The following CAST variants were observed in gnomAD, a reference collection of about 807,000 sequenced individuals.
CAST encodes MIR583 host.
A neutral mutation model predicts 119.6 loss-of-function variants in CAST; 76 were observed. That is an observed-to-expected ratio of 0.64 (90% CI 0.53 to 0.77). The LOEUF (loss-of-function observed/expected upper bound fraction) is 0.77. CAST is among the 30% of genes least tolerant of loss of function. The pLI, the probability that CAST is intolerant of heterozygous loss-of-function variation, is 0.00. For missense variants in CAST, 953 were observed against 946.5 expected, an observed-to-expected ratio of 1.01 and a Z score of -0.09; for synonymous variants, 319 against 331.6, an observed-to-expected ratio of 0.96 and a Z score of 0.41.
the CAST span, among the ~76,000 whole-genome samples, chr5:96,358,247 G>A: frequency 6.6e-6 from 1 of 152,022 alleles, no homozygotes; most frequent in Non-Finnish European, 1.5e-5. Flanking sequence ...CTGGCTGGTG[G>A]TCTATCTATT....
chr5:96,415,806 T>C, the CAST span, among the ~76,000 whole-genome samples: 8 of 26,002 alleles, frequency 3.1e-4, no homozygotes, highest in Non-Finnish European at 4.7e-4. Flanking sequence ...CATTTCCACA[T>C]TTTTTTTTCC....
rs1561408924 is a variant in CAST, at chr5:96,534,753, GAAAGAAAGAA to G, written c.60+4875_60+4884del. Reference sequence around the variant, plus strand: ...AGAGAGAGAGAGAGAAAGAAAGAAAGAAAGAAAGAAAGAAAGAAAGAAAGAAAGAAAGAAA... The same window carrying G: ...AGAGAGAGAGAGAGAAAGAAAGAAAGAGAAAGAAAGAAAGAAAGAAAGAAA... On this transcript the variant is annotated intron_variant, in intron 1 of 11. Transcript: ENST00000505143. Among the ~76,000 whole-genome samples, 207 of 44,572 alleles carry G rather than the reference GAAAGAAAGAA, an allele frequency of 4.6e-3. 3 individuals carry two copies. The highest frequency in any genetic ancestry group is 0.013 in the Middle Eastern group (1 of 76). 29.2% of individuals were successfully genotyped at this position (44,572 alleles called of 152,430 possible). A position where few individuals can be genotyped will look rare whatever the true frequency, so the allele number is the denominator to read the frequency against.
the CAST span, among the ~76,000 whole-genome samples, chr5:96,499,802 T>C: frequency 6.6e-6 from 1 of 152,222 alleles, no homozygotes; most frequent in Non-Finnish European, 1.5e-5. Flanking sequence ...CTTGGCTAAC[T>C]GGTGCAAGAG....
the CAST span, among the ~76,000 whole-genome samples, chr5:95,966,366 C>A: frequency 2.0e-5 from 3 of 152,152 alleles, no homozygotes; most frequent in African/African-American, 7.2e-5. Context: ...CCCTGGGGTT[C>A]TAGCCTCAGC....
chr5:96,665,215 G>T (rs1292952697), intron 1 of CAST, among the ~76,000 whole-genome samples: 1 of 152,104 alleles, frequency 6.6e-6, no homozygotes, highest in Admixed American at 6.5e-5. Context: ...TGTGAGCCAC[G>T]TCTGCAATTT....
At chr5:95,999,851 C>G in the CAST span, among the ~76,000 whole-genome samples, 2 of 152,144 alleles carry the variant, frequency 1.3e-5, no homozygotes, top group East Asian at 3.8e-4. Flanking sequence ...AGTGGCTGCA[C>G]CATTTTATAT....
chr5:96,539,110 C>G (rs1464894016), intron 1 of CAST, among the ~76,000 whole-genome samples: 2 of 152,166 alleles, frequency 1.3e-5, no homozygotes, highest in East Asian at 3.8e-4. Flanking sequence ...TGTATGAAGA[C>G]AATCACAGCA....
At chr5:96,411,451 G>A in the CAST span, among the ~76,000 whole-genome samples, 7 of 152,146 alleles carry the variant, frequency 4.6e-5, no homozygotes, top group African/African-American at 1.2e-4. Flanking sequence ...CGTCAAAGCC[G>A]CCCTTTCTAT....
chr5:96,192,183 G>C, the CAST span, among the ~76,000 whole-genome samples: 4 of 152,158 alleles, frequency 2.6e-5, no homozygotes, highest in African/African-American at 9.7e-5. Flanking sequence ...AACCACTAGA[G>C]ACAGCAGCAG....
chr5:96,227,310 CT>C, the CAST span, among the ~76,000 whole-genome samples: 5 of 151,992 alleles, frequency 3.3e-5, 1 homozygote, highest in South Asian at 4.2e-4. Context: ...ATCACTTGTG[CT>C]TTTTTCAATA....
intron 3 of CAST, among the ~76,000 whole-genome samples, chr5:96,710,216 C>T (rs1581067882): frequency 1.3e-5 from 2 of 152,098 alleles, no homozygotes; most frequent in African/African-American, 4.8e-5. Context: ...GCAAATTTAT[C>T]CTAATATCTT....
intron 1 of CAST, among the ~76,000 whole-genome samples, chr5:96,610,931 T>A (rs555962097): frequency 6.6e-6 from 1 of 151,602 alleles, no homozygotes; most frequent in South Asian, 2.1e-4. Context: ...GCCACACACA[T>A]ACACACACAC....
the CAST span, among the ~76,000 whole-genome samples, chr5:96,188,428 A>G: frequency 5.3e-5 from 8 of 152,130 alleles, no homozygotes; most frequent in Non-Finnish European, 1.2e-4. Context: ...GATTTAACCT[A>G]TTGAAACACT....
chr5:96,274,134 C>T, the CAST span, among the ~76,000 whole-genome samples: 2 of 149,282 alleles, frequency 1.3e-5, no homozygotes, highest in African/African-American at 5.0e-5. Context: ...CAGAGTCTTA[C>T]TCTGACGCCT....
At chr5:96,104,443 T>A in the CAST span, among the ~76,000 whole-genome samples, 1 of 152,164 alleles carries the variant, frequency 6.6e-6, no homozygotes, top group South Asian at 2.1e-4. Context: ...AGTTTCAGCT[T>A]TCTACATATG....
chr5:96,364,259 A>G, the CAST span, among the ~76,000 whole-genome samples: 4 of 152,324 alleles, frequency 2.6e-5, no homozygotes, highest in South Asian at 8.3e-4. Flanking sequence ...GGATTTTTGC[A>G]TCGATGTTCA....
At chr5:96,486,871 C>A in the CAST span, among the ~76,000 whole-genome samples, 1 of 152,114 alleles carries the variant, frequency 6.6e-6, no homozygotes, top group African/African-American at 2.4e-5. Flanking sequence ...TGACATGGAC[C>A]TCTAAGAGAT....
At chr5:96,368,275 G>A in the CAST span, among the ~76,000 whole-genome samples, 2 of 151,956 alleles carry the variant, frequency 1.3e-5, no homozygotes, top group Non-Finnish European at 2.9e-5. Context: ...CAATGCGGGT[G>A]GATCACCTTA....
At chr5:96,168,681 A>G in the CAST span, among the ~76,000 whole-genome samples, 34 of 152,232 alleles carry the variant, frequency 2.2e-4, no homozygotes, top group African/African-American at 7.7e-4. Flanking sequence ...AGAAGGAAAT[A>G]TGGGGAAATG....
Sources: gnomAD v4.1 joint callset for allele counts (sites outside exome capture counted in the v4.1 genomes callset) on GRCh38, gnomAD v4.1.1 for gene constraint, MANE v1.5 for transcripts, NCBI Gene and HGNC (gene_info 2026-07-23, HGNC 2026-07-21) for gene names.